The following NKAIN3 variants were observed in gnomAD, a reference collection of about 807,000 sequenced individuals.
The protein encoded by NKAIN3 is sodium/potassium transporting ATPase interacting 3.
NKAIN3 carries 25 observed loss-of-function variants against 30.2 expected under a neutral mutation model. The observed-to-expected ratio is 0.83, with a 90% CI of 0.60 to 1.16. NKAIN3 has a LOEUF of 1.16. Among genes scored for constraint, NKAIN3 ranks in the 50% most tolerant of loss-of-function variants. The probability of loss-of-function intolerance (pLI) is 0.00; values close to 1 mark genes in which losing one functional copy is unlikely to be tolerated. For missense variants in NKAIN3, 225 were observed against 254.1 expected, an observed-to-expected ratio of 0.89 and a Z score of 0.78; for synonymous variants, 91 against 89.6, an observed-to-expected ratio of 1.02 and a Z score of -0.09.
chr8:62,360,444 T>A (rs991881576), intron 1 of NKAIN3, among the ~76,000 whole-genome samples: 1 of 152,206 alleles, frequency 6.6e-6, no homozygotes, highest in Non-Finnish European at 1.5e-5. Flanking sequence ...ATCTTCACTG[T>A]CCTCTTAATG....
chr8:62,933,204 T>C (rs1822675479), intron 5 of NKAIN3, among the ~76,000 whole-genome samples: 1 of 152,114 alleles, frequency 6.6e-6, no homozygotes, highest in South Asian at 2.1e-4. Context: ...ATAAAAGAGA[T>C]CTCAGTGAGC....
At chr8:62,937,877 G>A (rs1376355358) in intron 5 of NKAIN3, among the ~76,000 whole-genome samples, 1 of 152,048 alleles carries the variant, frequency 6.6e-6, no homozygotes, top group Non-Finnish European at 1.5e-5. Context: ...TAGTGAGAGT[G>A]AGACTGGCCT....
intron 3 of NKAIN3, among the ~76,000 whole-genome samples, chr8:62,651,604 G>A (rs1332657807): frequency 1.3e-5 from 2 of 152,160 alleles, no homozygotes. Context: ...CTACTTTTTG[G>A]TTCATGGATA....
chr8:62,535,324 G>T (rs1193023662), intron 1 of NKAIN3, among the ~76,000 whole-genome samples: 1 of 152,110 alleles, frequency 6.6e-6, no homozygotes, highest in Non-Finnish European at 1.5e-5. Flanking sequence ...TATGTGTGGG[G>T]TGTTTTTCCC....
At chr8:62,840,537 C>T (rs774366056) in intron 4 of NKAIN3, among the ~76,000 whole-genome samples, 66 of 152,028 alleles carry the variant, frequency 4.3e-4, no homozygotes, top group Admixed American at 9.8e-4. Flanking sequence ...GAAGAGACTT[C>T]CAGAAGTCCA....
At chr8:62,347,554 G>A (rs1367432842) in intron 1 of NKAIN3, among the ~76,000 whole-genome samples, 1 of 152,014 alleles carries the variant, frequency 6.6e-6, no homozygotes, top group East Asian at 1.9e-4. Flanking sequence ...GGAAATATTA[G>A]TAGGTTTTTA....
chr8:62,434,190 C>G (rs1805100029), intron 1 of NKAIN3, among the ~76,000 whole-genome samples: 1 of 152,186 alleles, frequency 6.6e-6, no homozygotes, highest in South Asian at 2.1e-4. Flanking sequence ...AAGAGCACCA[C>G]TCTTCTTAAG....
chr8:62,543,831 T>G (rs1808920293), intron 1 of NKAIN3, among the ~76,000 whole-genome samples: 1 of 152,224 alleles, frequency 6.6e-6, no homozygotes, highest in Non-Finnish European at 1.5e-5. Context: ...TTATGCTTCT[T>G]CTCCCAAGGG....
intron 3 of NKAIN3, among the ~76,000 whole-genome samples, chr8:62,741,420 A>AAGGAAGGAAGGC (rs1189442434): frequency 4.0e-4 from 55 of 136,402 alleles, no homozygotes; most frequent in African/African-American, 1.1e-3. Flanking sequence ...GGAAGGAAGG[A>AAGGAAGGAAGGC]AGGCAGGCAA....
At chr8:62,302,367 G>A (rs149626523) in intron 1 of NKAIN3, among the ~76,000 whole-genome samples, 214 of 152,076 alleles carry the variant, frequency 1.4e-3, no homozygotes, top group African/African-American at 4.9e-3. Context: ...GAGCTCTACA[G>A]GTCAATATTT....
intron 3 of NKAIN3, among the ~76,000 whole-genome samples, chr8:62,645,038 G>A (rs1410592409): frequency 6.6e-6 from 1 of 152,086 alleles, no homozygotes; most frequent in African/African-American, 2.4e-5. Context: ...CTTTAACTTT[G>A]CTTGATTAGG....
intron 4 of NKAIN3, among the ~76,000 whole-genome samples, chr8:62,843,176 T>G (rs1819580325): frequency 6.6e-6 from 1 of 151,914 alleles, no homozygotes; most frequent in African/African-American, 2.4e-5. Flanking sequence ...TGTTGGTTGT[T>G]GCTGGCTTTG....
chr8:62,726,246 TAAG>T (rs1815254638), intron 3 of NKAIN3, among the ~76,000 whole-genome samples: 1 of 152,100 alleles, frequency 6.6e-6, no homozygotes. Flanking sequence ...TTTTCTAACA[TAAG>T]ATTATATCAA....
At chr8:62,371,904 C>T (rs958816843) in intron 1 of NKAIN3, among the ~76,000 whole-genome samples, 1 of 151,816 alleles carries the variant, frequency 6.6e-6, no homozygotes, top group East Asian at 1.9e-4. Flanking sequence ...GTGCTCAGCC[C>T]CGCCTTTATT....
chr8:62,284,515 A>G (rs2129397694), intron 1 of NKAIN3, among the ~76,000 whole-genome samples: 1 of 152,156 alleles, frequency 6.6e-6, no homozygotes, highest in South Asian at 2.1e-4. Flanking sequence ...AATCCCAGCT[A>G]CTTGGGAGGC....
At chr8:62,485,311 G>A (rs1806864437) in intron 1 of NKAIN3, among the ~76,000 whole-genome samples, 1 of 152,094 alleles carries the variant, frequency 6.6e-6, no homozygotes, top group Non-Finnish European at 1.5e-5. Flanking sequence ...AAGCTACGTG[G>A]TCTCTGTATA....
At chr8:62,297,512 G>A (rs1248119451) in intron 1 of NKAIN3, among the ~76,000 whole-genome samples, 1 of 152,014 alleles carries the variant, frequency 6.6e-6, no homozygotes, top group Non-Finnish European at 1.5e-5. Flanking sequence ...AGTGGGCGAA[G>A]GACATGAACA....
At chr8:62,755,045 C>T (rs1485921319) in intron 4 of NKAIN3, among the ~76,000 whole-genome samples, 2 of 152,202 alleles carry the variant, frequency 1.3e-5, no homozygotes, top group Admixed American at 6.5e-5. Flanking sequence ...TTAACAAACT[C>T]AGCATGCTCT....
intron 1 of NKAIN3, among the ~76,000 whole-genome samples, chr8:62,289,004 A>C: frequency 6.6e-6 from 1 of 152,286 alleles, no homozygotes; most frequent in South Asian, 2.1e-4. Flanking sequence ...GATGATGAGC[A>C]TTTTTTTATG....
Sources: allele counts gnomAD v4.1 joint callset (sites outside exome capture counted in the v4.1 genomes callset), GRCh38; gene constraint gnomAD v4.1.1; transcripts MANE v1.5; gene names NCBI Gene and HGNC (gene_info 2026-07-23, HGNC 2026-07-21).